The following PDE12 variants were observed in gnomAD, a reference collection of about 807,000 sequenced individuals.
PDE12 encodes the protein phosphodiesterase 12, also known as 2',5'-phosphodiesterase 12.
In PDE12, 26 loss-of-function variants were observed where a neutral mutation model predicts 45.4. The observed-to-expected ratio is 0.57, with a 90% confidence interval of 0.42 to 0.79. PDE12 has a LOEUF of 0.79. Ranked by LOEUF, PDE12 falls within the 30% of genes least tolerant of loss-of-function variation. PDE12 has a pLI of 0.00. For missense variants in PDE12, 668 were observed against 790.0 expected (o/e 0.85, Z 1.85); for synonymous variants, 283 against 323.9 (o/e 0.87, Z 1.36).
chr3:57,561,646 C>G lies in PDE12; in HGVS notation c.*1642C>G. ...TCATTTCTGCATTTAATTAATAGCT[C>G]GAGTATTAAAAGCCCACTCCCTTCA... On this transcript the variant is annotated 3_prime_UTR_variant, in exon 3 of 3. Transcript: ENST00000311180. The G allele has an allele frequency of 1.0e-6, 1 of 984,924 alleles. No homozygotes were observed. Among genetic ancestry groups the G allele is most frequent in the Non-Finnish European group, 1.2e-6 (1 of 829,622 alleles). The allele number at this position is 984,924 out of a possible 1,614,324, so 61.0% of individuals were successfully genotyped here.
the PDE12 span, among the ~76,000 whole-genome samples, chr3:57,624,846 T>C: frequency 2.6e-5 from 4 of 151,792 alleles, no homozygotes; most frequent in Admixed American, 6.6e-5. Context: ...GAGATTTGGG[T>C]TTTTAAAAAG....
At chr3:57,584,993 A>G in the PDE12 span, among the ~76,000 whole-genome samples, 1 of 152,008 alleles carries the variant, frequency 6.6e-6, no homozygotes, top group Non-Finnish European at 1.5e-5. Flanking sequence ...CCTCCCAAGT[A>G]GCTGGGACTA....
chr3:57,558,383 G>A (rs1188901301), intron 1 of PDE12, among the ~76,000 whole-genome samples: 1 of 152,110 alleles, frequency 6.6e-6, no homozygotes, highest in Non-Finnish European at 1.5e-5. Flanking sequence ...TCAAACCCAG[G>A]TCTGCCTGAC....
In PDE12 at chr3:57,565,908, T is replaced by G. The variant is rs1172183895; in HGVS notation, c.*5904T>G. 1 of 152,154 alleles carries G rather than the reference T, an allele frequency of 6.6e-6. No individual in the cohort carries two copies. The highest frequency in any genetic ancestry group is 1.5e-5 in the Non-Finnish European group (1 of 68,022). 9.4% of individuals were successfully genotyped at this position (152,154 alleles called of 1,614,324 possible). A position where few individuals can be genotyped will look rare whatever the true frequency, so the allele number is the denominator to read the frequency against. On this transcript the variant is annotated 3_prime_UTR_variant, in exon 3 of 3. Transcript: ENST00000311180. ...TGGTACATCCAAAGATAAAATCAGT[T>G]AGAAATAAACAGTGGCCTTCCTCAG...
the PDE12 span, chr3:57,633,325 A>G: frequency 6.2e-7 from 1 of 1,613,902 alleles, no homozygotes; most frequent in Non-Finnish European, 8.5e-7. Flanking sequence ...TAACACTTTG[A>G]GCCTCAGAAG....
At chr3:57,635,466 T>C in the PDE12 span, among the ~76,000 whole-genome samples, 1 of 152,126 alleles carries the variant, frequency 6.6e-6, no homozygotes, top group African/African-American at 2.4e-5. Flanking sequence ...CTTAAAAGTG[T>C]CATGAACAAA....
the PDE12 span, among the ~76,000 whole-genome samples, chr3:57,587,038 G>T: frequency 6.6e-6 from 1 of 152,070 alleles, no homozygotes; most frequent in African/African-American, 2.4e-5. Context: ...ACAAGGTAAG[G>T]CCTGGCGCTG....
At chr3:57,621,336 A>G in the PDE12 span, among the ~76,000 whole-genome samples, 1 of 152,242 alleles carries the variant, frequency 6.6e-6, no homozygotes, top group Non-Finnish European at 1.5e-5. Context: ...AACTAATTCC[A>G]AATAGTTATA....
At chr3:57,624,934 C>G in the PDE12 span, among the ~76,000 whole-genome samples, 1 of 152,052 alleles carries the variant, frequency 6.6e-6, no homozygotes, top group African/African-American at 2.4e-5. Flanking sequence ...AGGTCTTGCT[C>G]TGTCACCCAG....
chr3:57,580,223 G>C, the PDE12 span, among the ~76,000 whole-genome samples: 7 of 151,956 alleles, frequency 4.6e-5, no homozygotes, highest in African/African-American at 1.7e-4. Flanking sequence ...ACTATGCCTC[G>C]TCTAAATAAA....
Position 57,556,986 on chromosome 3 carries a change from C to G in PDE12, c.607C>G (p.Pro203Ala), listed in dbSNP as rs780972302. Reference protein sequence around the residue: ...SLFRWYKEAKPGAAEPEVGVP... With the variant: ...SLFRWYKEAKAGAAEPEVGVP... Reference sequence around the variant, plus strand: ...TTTCCGCTGGTATAAGGAAGCCAAGCCCGGAGCGGCGGAGCCCGAGGTCGG... The same window carrying G: ...TTTCCGCTGGTATAAGGAAGCCAAGGCCGGAGCGGCGGAGCCCGAGGTCGG... Residue 203 changes from proline to alanine, a missense_variant, in exon 1 of 3, where the codon CCC becomes GCC. Transcript: ENST00000311180. This position sits in a 1 kb window ranked among gnomAD's most constrained non-coding sequence, Gnocchi z 5.0. 6.2e-7 allele frequency: 1 copy of G among 1,614,180 alleles called. No individual in the cohort carries two copies. The highest frequency in any genetic ancestry group is 2.2e-5 in the East Asian group (1 of 44,874).
chr3:57,559,187 C>CTCCA (rs2069699224), intron 1 of PDE12, 123 bp from the exon 2 acceptor site: 1 of 761,114 alleles, frequency 1.3e-6, no homozygotes, highest in East Asian at 2.6e-5. Flanking sequence ...CGCTACTGCA[C>CTCCA]TCCAGCCTGG....
chr3:57,593,816 C>G, the PDE12 span, among the ~76,000 whole-genome samples: 3 of 152,050 alleles, frequency 2.0e-5, no homozygotes, highest in African/African-American at 7.2e-5. Context: ...TGGGCGGGAT[C>G]GCTTCAGCCC....
chr3:57,608,663 G>A, the PDE12 span, among the ~76,000 whole-genome samples: 1 of 151,850 alleles, frequency 6.6e-6, no homozygotes, highest in African/African-American at 2.4e-5. Context: ...AATGGTAAAG[G>A]GATCAATTCA....
chr3:57,587,320 A>C, the PDE12 span, among the ~76,000 whole-genome samples: 2 of 122,726 alleles, frequency 1.6e-5, no homozygotes, highest in African/African-American at 3.4e-5. Context: ...ACTCAGTCTC[A>C]AAAAAAAAAA....
the PDE12 span, chr3:57,575,521 G>A: frequency 6.3e-7 from 1 of 1,598,094 alleles, no homozygotes; most frequent in South Asian, 1.1e-5. Flanking sequence ...ATAGTCAAGA[G>A]GTTAATATCA....
chr3:57,560,210 GAGAAACAAA>G lies in PDE12; in HGVS notation c.*207_*215del, dbSNP rs1368748383. On this transcript the variant is annotated 3_prime_UTR_variant, in exon 3 of 3. Transcript: ENST00000311180. ...TCCTTGTTTTCCTCTACAATTGGAG[GAGAAACAAA>G]TATATTTCTTACTAGCAAAATAGAA... The G allele has an allele frequency of 1.3e-5, 17 of 1,274,892 alleles. No homozygotes were observed. Among genetic ancestry groups the G allele is most frequent in the Admixed American group, 3.7e-5 (1 of 26,690 alleles). 79.0% of individuals were successfully genotyped at this position (1,274,892 alleles called of 1,614,324 possible). A position where few individuals can be genotyped will look rare whatever the true frequency, so the allele number is the denominator to read the frequency against.
the PDE12 span, among the ~76,000 whole-genome samples, chr3:57,649,998 T>C: frequency 1.5e-4 from 23 of 151,864 alleles, no homozygotes; most frequent in African/African-American, 5.6e-4. Context: ...CAGAGCGCCC[T>C]AGATGGAATT....
At position 57,561,162 on chromosome 3, in the gene PDE12, G is replaced by T. The variant is rs746892988; in HGVS notation, c.*1158G>T. 12 of 984,578 alleles carry T rather than the reference G, an allele frequency of 1.2e-5. No homozygotes were observed. Among genetic ancestry groups the T allele is most frequent in the Non-Finnish European group, 1.3e-5 (11 of 828,838 alleles). 61.0% of individuals were successfully genotyped at this position (984,578 alleles called of 1,614,324 possible). A position where few individuals can be genotyped will look rare whatever the true frequency, so the allele number is the denominator to read the frequency against. On this transcript the variant is annotated 3_prime_UTR_variant, in exon 3 of 3. Transcript: ENST00000311180. Reference sequence around the variant, plus strand: ...TCAGTTACTCTTGCCCATGAAAAATGTTCATAAATGAACAGGGTATTTGAC... The same window carrying T: ...TCAGTTACTCTTGCCCATGAAAAATTTTCATAAATGAACAGGGTATTTGAC...
Sources: allele counts gnomAD v4.1 joint callset (sites outside exome capture counted in the v4.1 genomes callset), GRCh38; gene constraint gnomAD v4.1.1; non-coding constraint Gnocchi (gnomAD v3.1); transcripts MANE v1.5; gene names NCBI Gene and HGNC (gene_info 2026-07-23, HGNC 2026-07-21).